AFF2: variants seen among roughly 807,000 people sequenced by gnomAD.
The protein encoded by AFF2 is AF4/FMR2 family member 2.
A neutral mutation model predicts 76.9 loss-of-function variants in AFF2; 14 were observed. That is an observed-to-expected ratio of 0.18 (90% CI 0.12 to 0.28). The LOEUF is 0.28. Ranked by LOEUF, AFF2 falls within the 10% of genes least tolerant of loss-of-function variation. The probability of loss-of-function intolerance (pLI) is 1.00; values close to 1 mark genes in which losing one functional copy is unlikely to be tolerated. For synonymous variants in AFF2, 398 were observed against 366.7 expected (o/e 1.09, Z -0.98); for missense variants, 868 against 1,001.1 (o/e 0.87, Z 1.79).
At chrX:148,693,981 A>G (rs1341864394) in intron 3 of AFF2, among the ~76,000 whole-genome samples, 1 of 111,335 alleles carries the variant, frequency 9.0e-6, no homozygotes, top group Non-Finnish European at 1.9e-5. Context: ...ATGGAATACT[A>G]TGCAGCCGTA....
In AFF2 at chrX:148,508,988, G is replaced by A. The variant is rs1285304848; in HGVS notation, c.47+7844G>A. Among the ~76,000 whole-genome samples the A allele has an allele frequency of 2.7e-5, 3 of 111,117 alleles. No homozygotes were observed. In the Admixed American group the frequency reaches 2.9e-4, roughly 11 times the overall value. ...CATCCAGTCAGTAATTGGCAAAGCCGGGTCAGGAGCCCTTGTACCCTGGTT... is the reference window on the plus strand; with the variant it reads ...CATCCAGTCAGTAATTGGCAAAGCCAGGTCAGGAGCCCTTGTACCCTGGTT... On this transcript the variant is annotated intron_variant, in intron 1 of 20. Coordinates refer to ENST00000370460, the MANE Select transcript of AFF2 (RefSeq NM_002025.4).
intron 3 of AFF2, among the ~76,000 whole-genome samples, chrX:148,695,870 G>C (rs782690991): frequency 8.9e-6 from 1 of 111,937 alleles, no homozygotes; most frequent in African/African-American, 3.2e-5. Flanking sequence ...CATCTTATCA[G>C]CCAATAGATT....
chrX:148,718,670 C>T (rs1365340301), intron 3 of AFF2, among the ~76,000 whole-genome samples: 2 of 111,807 alleles, frequency 1.8e-5, no homozygotes, highest in African/African-American at 6.5e-5. Context: ...TAAAACCTCT[C>T]TCCTTCTATG....
intron 3 of AFF2, among the ~76,000 whole-genome samples, chrX:148,670,287 C>T (rs1426520667): frequency 4.5e-5 from 5 of 111,076 alleles, no homozygotes; most frequent in African/African-American, 1.3e-4. Context: ...ATTTGTCAGT[C>T]GGGGACACAT....
At chrX:148,618,156 T>TAA (rs2053832060) in intron 1 of AFF2, among the ~76,000 whole-genome samples, 2 of 111,698 alleles carry the variant, frequency 1.8e-5, no homozygotes, top group East Asian at 5.6e-4. Context: ...GTTCTAAATA[T>TAA]CTGTTTGAGT....
rs782168692 is a variant in AFF2, at chrX:148,934,102, A to T, written c.1398-19478A>T. On this transcript the variant is annotated intron_variant, in intron 9 of 20. Transcript: ENST00000370460. ...AAACACACAGCATTCACACACATCA[A>T]GTTGTCACATATTTTTACATGACTG... is the stretch of plus-strand genomic sequence containing the variant. 7.1e-5 allele frequency among the ~76,000 whole-genome samples: 8 copies of T among 112,781 alleles called. No individual in the cohort carries two copies. In the South Asian group the frequency reaches 2.9e-3, roughly 41 times the overall value.
intron 9 of AFF2, among the ~76,000 whole-genome samples, chrX:148,949,969 G>C (rs782275760): frequency 8.9e-6 from 1 of 112,505 alleles, no homozygotes; most frequent in Admixed American, 9.4e-5. Context: ...CCACTTTCAT[G>C]TACATCTGGA....
At chrX:148,947,952 C>T (rs911513934) in intron 9 of AFF2, among the ~76,000 whole-genome samples, 1 of 112,339 alleles carries the variant, frequency 8.9e-6, no homozygotes, top group Admixed American at 9.4e-5. Flanking sequence ...ACATGTCTTG[C>T]TCCATGTCTT....
intron 20 of AFF2, among the ~76,000 whole-genome samples, chrX:148,989,018 T>G (rs1327926946): frequency 8.9e-6 from 1 of 112,285 alleles, no homozygotes; most frequent in Non-Finnish European, 1.9e-5. Flanking sequence ...GAGAGCAAGA[T>G]TAATGACAGG....
chrX:148,958,318 A>AT lies in AFF2; in HGVS notation c.2569-12dup, dbSNP rs781855828. 5.8e-6 allele frequency: 7 copies of AT among 1,207,981 alleles called. No individual in the cohort carries two copies. The highest frequency in any genetic ancestry group is 3.5e-5 in the African/African-American group (2 of 57,075). Reference sequence around the variant, plus strand: ...GTGCCATGCATTTCAAGCTCTGTGTATTTTTTTCCCTGTTAAAGCCAATAG... The same window carrying AT: ...GTGCCATGCATTTCAAGCTCTGTGTATTTTTTTTCCCTGTTAAAGCCAATAG... On this transcript the variant is annotated intron_variant, in intron 11 of 20. Coordinates refer to ENST00000370460, the MANE Select transcript of AFF2 (RefSeq NM_002025.4).
At chrX:148,959,607 G>A (rs1255176053) in intron 12 of AFF2, among the ~76,000 whole-genome samples, 1 of 112,299 alleles carries the variant, frequency 8.9e-6, no homozygotes, top group Admixed American at 9.4e-5. Context: ...TGGGTCCTGG[G>A]CTGCCCCCTG....
chrX:148,812,063 G>A (rs1359176135), intron 4 of AFF2, among the ~76,000 whole-genome samples: 2 of 109,139 alleles, frequency 1.8e-5, no homozygotes, highest in African/African-American at 6.7e-5. Context: ...CCCATGCTTC[G>A]AATAAAAATA....
Position 148,983,906 on chromosome X carries a change from G to A in AFF2, c.3623+3116G>A, listed in dbSNP as rs1021468377. Among the ~76,000 whole-genome samples, 6 of 82,344 alleles carry A rather than the reference G, an allele frequency of 7.3e-5. No individual in the cohort carries two copies. In the Admixed American group the frequency reaches 7.6e-4, roughly 10 times the overall value. 71.5% of individuals were successfully genotyped at this position (82,344 alleles called of 115,157 possible). A position where few individuals can be genotyped will look rare whatever the true frequency, so the allele number is the denominator to read the frequency against. Reference sequence around the variant, plus strand: ...GCTGGTGTTCATTGAGAACATATACGCCAGACACTGTTCTAGATACTGAAG... The same window carrying A: ...GCTGGTGTTCATTGAGAACATATACACCAGACACTGTTCTAGATACTGAAG... On this transcript the variant is annotated intron_variant, in intron 19 of 20. Coordinates refer to ENST00000370460, the MANE Select transcript of AFF2 (RefSeq NM_002025.4).
At chrX:148,615,411 G>T (rs1376873004) in intron 1 of AFF2, among the ~76,000 whole-genome samples, 1 of 111,960 alleles carries the variant, frequency 8.9e-6, no homozygotes, top group Non-Finnish European at 1.9e-5. Context: ...TTTAGATGGA[G>T]TTGTCAAACC....
intron 1 of AFF2, among the ~76,000 whole-genome samples, chrX:148,503,428 C>T (rs1047799748): frequency 2.7e-5 from 3 of 111,418 alleles, no homozygotes; most frequent in African/African-American, 6.5e-5. Flanking sequence ...CCACTCCCCA[C>T]GCCCCCAAGC....
At chrX:148,678,895 A>G (rs914601491) in intron 3 of AFF2, among the ~76,000 whole-genome samples, 3 of 111,620 alleles carry the variant, frequency 2.7e-5, no homozygotes, top group African/African-American at 9.8e-5. Context: ...AGAGTTTGGT[A>G]AGATTGAACG....
chrX:148,682,272 T>C (rs1373044191), intron 3 of AFF2, among the ~76,000 whole-genome samples: 4 of 112,204 alleles, frequency 3.6e-5, no homozygotes, highest in African/African-American at 6.5e-5. Flanking sequence ...GCTTTGCAGT[T>C]ATTTTCTCCA....
At chrX:148,768,166 CT>C (rs1294004435) in intron 3 of AFF2, among the ~76,000 whole-genome samples, 3 of 108,621 alleles carry the variant, frequency 2.8e-5, no homozygotes, top group African/African-American at 1.0e-4. Context: ...TGTTCTGCCC[CT>C]TTTCAGCCCT....
intron 19 of AFF2, among the ~76,000 whole-genome samples, chrX:148,983,965 A>AAAAAAAAAAAAAAAAAAAC (rs1438744109): frequency 1.1e-4 from 11 of 99,782 alleles, no homozygotes; most frequent in African/African-American, 3.5e-4. Flanking sequence ...AAAAAAAAAA[A>AAAAAAAAAAAAAAAAAAAC]AAACTGCCCT....
Sources: allele counts gnomAD v4.1 joint callset (sites outside exome capture counted in the v4.1 genomes callset), GRCh38; gene constraint gnomAD v4.1.1; transcripts MANE v1.5; gene names NCBI Gene and HGNC (gene_info 2026-07-23, HGNC 2026-07-21).